Variants in ATRN observed in about 807,000 individuals in gnomAD.
The protein encoded by ATRN is attractin.
ATRN carries 54 observed loss-of-function variants against 178.7 expected under a neutral mutation model. That is an observed-to-expected ratio of 0.30 (90% CI 0.24 to 0.38). ATRN has a LOEUF of 0.38. Among genes scored for constraint, ATRN ranks in the 10% least tolerant of loss-of-function variants. ATRN has a pLI of 1.00. For synonymous variants in ATRN, 636 were observed against 663.0 expected (o/e 0.96, Z 0.63); for missense variants, 1,443 against 1,815.1 (o/e 0.79, Z 3.73).
chr20:3,600,850 T>G, intron 22 of ATRN, 96 bp from the exon 23 acceptor site: 6 of 1,145,686 alleles, frequency 5.2e-6, no homozygotes, highest in Non-Finnish European at 7.5e-6. Context: ...AAAATGTTTG[T>G]GATTAAGAAC....
In ATRN at chr20:3,591,305, G is replaced by T; in HGVS notation, c.3321G>T (p.Gln1107His). The T allele has an allele frequency of 6.2e-7, 1 of 1,613,452 alleles. No homozygotes were observed. The highest frequency in any genetic ancestry group is 1.1e-5 in the South Asian group (1 of 90,944). The change falls in exon 19 of 29, where the codon CAG becomes CAT. Residue 1107 changes from glutamine to histidine, a missense_variant and splice_region_variant. Gln to His is a conservative substitution (Grantham distance 24). Coordinates refer to ENST00000262919, the MANE Select transcript of ATRN (RefSeq NM_139321.3). ...YGDPTNGGKC[Q>H]PCKCNGHASL... ...ATCCCACCAATGGAGGGAAATGTCAGCGTAAGTCAAATTGGTCAGGTTTAC... is the reference window on the plus strand; with the variant it reads ...ATCCCACCAATGGAGGGAAATGTCATCGTAAGTCAAATTGGTCAGGTTTAC...
intron 25 of ATRN, chr20:3,629,339 T>G: frequency 1.0e-6 from 1 of 978,330 alleles, no homozygotes. Flanking sequence ...ACTCTTCTCT[T>G]CCACATTTCT....
chr20:3,515,580 T>C (rs2085195985), intron 1 of ATRN, among the ~76,000 whole-genome samples: 1 of 152,218 alleles, frequency 6.6e-6, no homozygotes, highest in Non-Finnish European at 1.5e-5. Context: ...AGGGTAAGGG[T>C]TAAAGTCCAG....
At chr20:3,599,227 A>G (rs1044862852) in intron 22 of ATRN, among the ~76,000 whole-genome samples, 3 of 152,230 alleles carry the variant, frequency 2.0e-5, no homozygotes, top group African/African-American at 7.2e-5. Context: ...CGATTTTAGA[A>G]TAAGATTTTA....
intron 1 of ATRN, among the ~76,000 whole-genome samples, chr20:3,475,898 A>C (rs2084522387): frequency 6.6e-6 from 1 of 152,228 alleles, no homozygotes; most frequent in Non-Finnish European, 1.5e-5. Context: ...TAATCCCAAC[A>C]CTTTGGGAGG....
chr20:3,570,527 G>T (rs2086105547), intron 11 of ATRN, among the ~76,000 whole-genome samples: 2 of 151,138 alleles, frequency 1.3e-5, no homozygotes, highest in African/African-American at 4.9e-5. Context: ...TTTTTTTTCA[G>T]GGGATGGGAG....
intron 24 of ATRN, among the ~76,000 whole-genome samples, chr20:3,611,338 T>C (rs2086762286): frequency 6.6e-6 from 1 of 152,066 alleles, no homozygotes; most frequent in Admixed American, 6.6e-5. Flanking sequence ...AACTCAACAG[T>C]AAACAAACGA....
chr20:3,575,184 G>A (rs1160911848), intron 12 of ATRN, among the ~76,000 whole-genome samples: 2 of 152,174 alleles, frequency 1.3e-5, no homozygotes, highest in Non-Finnish European at 2.9e-5. Flanking sequence ...GGCTGGTCTT[G>A]AATTCCTGAC....
intron 11 of ATRN, 60 bp downstream of exon 11, chr20:3,565,492 G>A: frequency 1.4e-6 from 2 of 1,452,996 alleles, no homozygotes; most frequent in Non-Finnish European, 1.9e-6. Flanking sequence ...AAAGGGCCGG[G>A]CACGGTGGCT....
chr20:3,580,921 A>G (rs1342583684), intron 15 of ATRN, among the ~76,000 whole-genome samples: 1 of 152,112 alleles, frequency 6.6e-6, no homozygotes, highest in Non-Finnish European at 1.5e-5. Context: ...TAGGTCTTTT[A>G]GTAGGCATGT....
chr20:3,559,438 G>C lies in ATRN; in HGVS notation c.1158G>C (p.Val386=), dbSNP rs2085922201. 6.2e-7 allele frequency: 1 copy of C among 1,613,940 alleles called. No homozygotes were observed. Residue 386 remains valine (V), a synonymous_variant, in exon 7 of 29, where the codon GTG becomes GTC. Coordinates refer to ENST00000262919, the MANE Select transcript of ATRN (RefSeq NM_139321.3). ...SREWLPLNRS[V]NNVVVRYGHS... ...AGTGGCTTCCACTAAACCGTTCTGT[G>C]AACAATGTGGTTGTTAGATATGGTC...
intron 24 of ATRN, among the ~76,000 whole-genome samples, chr20:3,623,238 C>T (rs2086910857): frequency 6.6e-6 from 1 of 152,154 alleles, no homozygotes; most frequent in Admixed American, 6.5e-5. Flanking sequence ...AGCTTTCCTT[C>T]TCTCAAGGAG....
At chr20:3,487,360 G>C (rs889972513) in intron 1 of ATRN, among the ~76,000 whole-genome samples, 4 of 152,058 alleles carry the variant, frequency 2.6e-5, no homozygotes, top group Non-Finnish European at 5.9e-5. Flanking sequence ...AGCCTCGCGA[G>C]TAGCTGGGAT....
rs189260069 is a variant in ATRN at position 3,608,124 on chromosome 20, T to C, written c.3801+3862T>C. Among the ~76,000 whole-genome samples, 36 of 152,358 alleles carry C rather than the reference T, an allele frequency of 2.4e-4. No homozygotes were observed. The East Asian group carries it at 5.2e-3, about 22-fold the overall frequency. On this transcript the variant is annotated intron_variant, in intron 24 of 28. Transcript: ENST00000262919. ...TTCTGGTTATAAATCCCTTGTTGGA[T>C]GGATAGTTTGAACATATTTTCTCTC...
chr20:3,479,356 C>T (rs568592535), intron 1 of ATRN, among the ~76,000 whole-genome samples: 6 of 152,116 alleles, frequency 3.9e-5, no homozygotes, highest in African/African-American at 9.7e-5. Flanking sequence ...AAGACAGCTA[C>T]GTACACAGCA....
intron 27 of ATRN, among the ~76,000 whole-genome samples, chr20:3,639,186 T>C (rs576160716): frequency 6.6e-6 from 1 of 152,350 alleles, no homozygotes; most frequent in East Asian, 1.9e-4. Flanking sequence ...TGCTTTTCTT[T>C]TAAGTATTCT....
chr20:3,577,004 C>G lies in ATRN; in HGVS notation c.2353+7C>G. 6.2e-7 allele frequency: 1 copy of G among 1,613,616 alleles called. No homozygotes were observed. The highest frequency in any genetic ancestry group is 2.2e-5 in the East Asian group (1 of 44,882). The stretch of plus-strand genomic sequence containing the variant: ...GAGTGCATTGCCCTGCCCGGTAGGC[C>G]TTGCAGGGTCATCTTGGTGTGTGTG... On this transcript the variant is annotated splice_region_variant and intron_variant, in intron 14 of 28. Coordinates refer to ENST00000262919, the MANE Select transcript of ATRN (RefSeq NM_139321.3).
chr20:3,625,902 T>C (rs377305482), intron 25 of ATRN, among the ~76,000 whole-genome samples: 1 of 152,186 alleles, frequency 6.6e-6, no homozygotes, highest in African/African-American at 2.4e-5. Flanking sequence ...TGAGCTCTCC[T>C]GACTGAAAAT....
rs756139477 is a variant in ATRN, at chr20:3,547,318, G to A, written c.772G>A (p.Gly258Arg). The change falls in exon 5 of 29, where the codon GGA becomes AGA. Residue 258 changes from glycine (G) to arginine (R), a missense_variant. This residue lies in a region of ATRN where 862 missense variants were observed against 972.1 expected (regional missense o/e 0.89). Transcript: ENST00000262919. ...DMCPNNCSGRGECKISNSSDT... is the reference protein window; with the variant it reads ...DMCPNNCSGRRECKISNSSDT... Reference sequence around the variant, plus strand: ...GTGTCCAAATAACTGCTCAGGCCGAGGAGAGTGTAAGATCAGTAATAGCAG... The same window carrying A: ...GTGTCCAAATAACTGCTCAGGCCGAAGAGAGTGTAAGATCAGTAATAGCAG... The A allele has an allele frequency of 1.9e-6, 3 of 1,614,142 alleles. No homozygotes were observed. In the South Asian group the frequency reaches 3.3e-5, roughly 18 times the overall value.
Sources: allele counts gnomAD v4.1 joint callset (sites outside exome capture counted in the v4.1 genomes callset), GRCh38; gene constraint gnomAD v4.1.1; regional missense constraint gnomAD v4.1.1; transcripts MANE v1.5; gene names NCBI Gene and HGNC (gene_info 2026-07-23, HGNC 2026-07-21).